Variants in DKK4 observed in about 807,000 individuals in gnomAD.
The protein encoded by DKK4 is dickkopf Wnt signaling pathway inhibitor 4, also known as dickkopf-related protein 4.
In DKK4, 15 loss-of-function variants were observed where a neutral mutation model predicts 14.5. The ratio of observed to expected loss-of-function variants is 1.03; its 90% CI spans 0.69 to 1.59. The LOEUF is 1.59. Ranked by LOEUF, DKK4 falls within the 40% of genes most tolerant of loss-of-function variation. The pLI, the probability that DKK4 is intolerant of heterozygous loss-of-function variation, is 0.00. For missense variants in DKK4, 272 were observed against 280.3 expected, an observed-to-expected ratio of 0.97 and a Z score of 0.21; for synonymous variants, 89 against 105.2, an observed-to-expected ratio of 0.85 and a Z score of 0.94.
chr8:42,384,041 C>T, the DKK4 span, among the ~76,000 whole-genome samples: 15 of 152,180 alleles, frequency 9.9e-5, no homozygotes, highest in African/African-American at 2.9e-4. Context: ...GGCACTATCC[C>T]GCTTTCCTTC....
At chr8:42,378,732 T>A (rs58545502), upstream of DKK4, among the ~76,000 whole-genome samples, 35,435 of 151,710 alleles carry the variant, frequency 0.23, 8,020 homozygotes, top group African/African-American at 0.59. Flanking sequence ...GGAACTCCTG[T>A]AACACGGCAC....
chr8:42,389,339 A>T, the DKK4 span, among the ~76,000 whole-genome samples: 4 of 152,242 alleles, frequency 2.6e-5, no homozygotes, highest in Admixed American at 6.5e-5. Context: ...AGAGAGGTTA[A>T]TGCTTGCCTA....
upstream of DKK4, among the ~76,000 whole-genome samples, chr8:42,378,079 A>G (rs910063064): frequency 9.9e-5 from 15 of 152,182 alleles, no homozygotes; most frequent in African/African-American, 3.1e-4. Flanking sequence ...ATTTTTTAAA[A>G]CTTCTGCTTC....
upstream of DKK4, among the ~76,000 whole-genome samples, chr8:42,381,549 C>CA (rs1386181907): frequency 6.6e-6 from 1 of 152,150 alleles, no homozygotes; most frequent in Non-Finnish European, 1.5e-5. Flanking sequence ...GTCTCTGTCT[C>CA]AGCACTGACA....
At chr8:42,386,634 G>A in the DKK4 span, among the ~76,000 whole-genome samples, 34 of 152,176 alleles carry the variant, frequency 2.2e-4, no homozygotes, top group East Asian at 4.6e-3. Context: ...GAACACAGAC[G>A]TGCGCCACCA....
At chr8:42,387,183 A>G in the DKK4 span, among the ~76,000 whole-genome samples, 2 of 151,820 alleles carry the variant, frequency 1.3e-5, no homozygotes, top group African/African-American at 4.9e-5. Flanking sequence ...TTCTGATTCT[A>G]TTGATTTGAC....
intron 2 of DKK4, among the ~76,000 whole-genome samples, 191 bp from the exon 3 acceptor site, chr8:42,375,104 T>C (rs1254299972): frequency 1.3e-5 from 2 of 152,200 alleles, no homozygotes; most frequent in African/African-American, 2.4e-5. Context: ...TAAGTGGAAA[T>C]TGCATTCCAT....
At chr8:42,390,194 C>A in the DKK4 span, among the ~76,000 whole-genome samples, 1 of 151,398 alleles carries the variant, frequency 6.6e-6, no homozygotes, top group South Asian at 2.1e-4. Context: ...GCGCCCGGGG[C>A]CCCCTCAGAA....
the DKK4 span, among the ~76,000 whole-genome samples, chr8:42,390,210 T>C: frequency 2.6e-5 from 4 of 151,818 alleles, no homozygotes; most frequent in East Asian, 7.8e-4. Context: ...CAGAAAATTT[T>C]ACATTGTTGC....
intron 3 of DKK4, 73 bp downstream of exon 3, chr8:42,374,688 C>A: frequency 6.3e-7 from 1 of 1,585,452 alleles, no homozygotes; most frequent in Non-Finnish European, 8.6e-7. Context: ...AAATCAGTCT[C>A]ACCCTATCCT....
chr8:42,386,892 C>A, the DKK4 span, among the ~76,000 whole-genome samples: 1 of 152,140 alleles, frequency 6.6e-6, no homozygotes, highest in African/African-American at 2.4e-5. Flanking sequence ...AGAAGAGCTG[C>A]TGTTCTCAGC....
At chr8:42,385,816 C>T in the DKK4 span, among the ~76,000 whole-genome samples, 2 of 151,990 alleles carry the variant, frequency 1.3e-5, no homozygotes, top group Non-Finnish European at 2.9e-5. Context: ...AAATACATTC[C>T]CAAATCTTAG....
At chr8:42,381,485 G>C (rs1056477483), upstream of DKK4, among the ~76,000 whole-genome samples, 3 of 152,122 alleles carry the variant, frequency 2.0e-5, no homozygotes, top group South Asian at 2.1e-4. Flanking sequence ...TCACCAACAG[G>C]GGGTGAACAA....
At chr8:42,376,476 A>C (rs1201791468) in intron 1 of DKK4, among the ~76,000 whole-genome samples, 1 of 152,204 alleles carries the variant, frequency 6.6e-6, no homozygotes, top group Non-Finnish European at 1.5e-5. Context: ...GTGAAGTTAG[A>C]TGGTGACAAG....
At chr8:42,386,235 G>A in the DKK4 span, among the ~76,000 whole-genome samples, 1 of 152,098 alleles carries the variant, frequency 6.6e-6, no homozygotes, top group Non-Finnish European at 1.5e-5. Flanking sequence ...GGATATAGGT[G>A]TGCACCACTG....
At position 42,374,654 on chromosome 8, in the gene DKK4, G is replaced by A. The variant is rs1322759083; in HGVS notation, c.415+107C>T. The A allele has an allele frequency of 1.4e-5, 20 of 1,469,750 alleles. No individual in the cohort carries two copies. In the East Asian group the frequency reaches 4.3e-4, roughly 32 times the overall value. 91.0% of individuals were successfully genotyped at this position (1,469,750 alleles called of 1,614,324 possible). A position where few individuals can be genotyped will look rare whatever the true frequency, so the allele number is the denominator to read the frequency against. On this transcript the variant is annotated intron_variant, in intron 3 of 3. Coordinates refer to ENST00000220812, the MANE Select transcript of DKK4 (RefSeq NM_014420.3). ...ATAACAAACAGCACATGCTTCCTAA[G>A]TGTTTCTGGGATGGAGAAGAATAAA...
At chr8:42,374,413 G>A (rs760105188) in intron 3 of DKK4, 54 bp from the exon 4 acceptor site, 22 of 1,604,770 alleles carry the variant, frequency 1.4e-5, no homozygotes, top group Non-Finnish European at 1.8e-5. Context: ...TGGCCTGCTG[G>A]GGGTTTGCTA....
At chr8:42,390,625 A>C in the DKK4 span, among the ~76,000 whole-genome samples, 1 of 152,052 alleles carries the variant, frequency 6.6e-6, no homozygotes, top group South Asian at 2.1e-4. Context: ...TGCCTCCCAA[A>C]GTGCTGGGAT....
rs1035109122 is a variant in DKK4 at position 42,374,225 on chromosome 8, T to C, written c.550A>G (p.Thr184Ala). 6.2e-7 allele frequency: 1 copy of C among 1,613,488 alleles called. No individual in the cohort carries two copies. The highest frequency in any genetic ancestry group is 8.5e-7 in the Non-Finnish European group (1 of 1,179,918). The change falls in exon 4 of 4, where the codon ACT becomes GCT. Residue 184 changes from threonine to alanine, a missense_variant. By Grantham distance (58) the Thr-to-Ala change is moderately conservative. Coordinates refer to ENST00000220812, the MANE Select transcript of DKK4 (RefSeq NM_014420.3). ...QVCSRRGHKD[T>A]AQAPEIFQRC... ...TGGAAGATTTCTGGAGCTTGAGCAG[T>C]GTCTTTATGCCCTCTTCTGGAGCAG...
Sources: allele counts gnomAD v4.1 joint callset (sites outside exome capture counted in the v4.1 genomes callset), GRCh38; gene constraint gnomAD v4.1.1; transcripts MANE v1.5; gene names NCBI Gene and HGNC (gene_info 2026-07-23, HGNC 2026-07-21).